Variants in DAGLA observed in about 807,000 individuals in gnomAD.
DAGLA encodes the protein diacylglycerol lipase-alpha.
A neutral mutation model predicts 102.6 loss-of-function variants in DAGLA; 22 were observed. The ratio of observed to expected loss-of-function variants is 0.21; its 90% CI spans 0.15 to 0.31. The LOEUF (loss-of-function observed/expected upper bound fraction) is 0.31, where lower values mean the gene tolerates loss of function less well. Among genes scored for constraint, DAGLA ranks in the 10% least tolerant of loss-of-function variants. The pLI is 1.00. For synonymous variants in DAGLA, 578 were observed against 628.9 expected (o/e 0.92, Z 1.21); for missense variants, 927 against 1,446.6 (o/e 0.64, Z 5.83).
chr11:61,738,915 C>A (rs1565264521), intron 16 of DAGLA, among the ~76,000 whole-genome samples: 1 of 152,200 alleles, frequency 6.6e-6, no homozygotes. Flanking sequence ...TGCCCTAGAC[C>A]CTGTGGCAGG....
intron 1 of DAGLA, among the ~76,000 whole-genome samples, chr11:61,700,597 G>T (rs1423979453): frequency 6.6e-6 from 1 of 152,192 alleles, no homozygotes; most frequent in African/African-American, 2.4e-5. Context: ...TAGATAATTA[G>T]CTGCTGATGG....
intron 1 of DAGLA, among the ~76,000 whole-genome samples, chr11:61,681,391 G>T (rs1293100487): frequency 2.6e-5 from 4 of 152,144 alleles, no homozygotes; most frequent in Non-Finnish European, 4.4e-5. Context: ...CATTCATCTA[G>T]CTTTTCATCT....
At chr11:61,719,687 G>A (rs2065266035) in intron 1 of DAGLA, among the ~76,000 whole-genome samples, 2 of 152,234 alleles carry the variant, frequency 1.3e-5, no homozygotes, top group Admixed American at 6.5e-5. Context: ...GGGTGGGCTT[G>A]TTCTTGGTCT....
At chr11:61,715,645 C>T (rs1343569435) in intron 1 of DAGLA, among the ~76,000 whole-genome samples, 1 of 152,218 alleles carries the variant, frequency 6.6e-6, no homozygotes, top group Non-Finnish European at 1.5e-5. Context: ...GGGCAGGCTC[C>T]TCGGTCAGGG....
intron 9 of DAGLA, among the ~76,000 whole-genome samples, chr11:61,731,702 C>A (rs2065376862): frequency 1.3e-5 from 2 of 152,210 alleles, no homozygotes; most frequent in African/African-American, 4.8e-5. Context: ...GCCTCAGTTT[C>A]TTTATCTGCG....
chr11:61,716,184 G>A (rs772978177), intron 1 of DAGLA, among the ~76,000 whole-genome samples: 5 of 152,138 alleles, frequency 3.3e-5, no homozygotes, highest in Non-Finnish European at 5.9e-5. Context: ...GATGGGTACT[G>A]TGAGACCCTG....
In DAGLA at chr11:61,746,471, C is replaced by A. The variant is rs1200352410; in HGVS notation, c.*1982C>A. On this transcript the variant is annotated 3_prime_UTR_variant, in exon 20 of 20. Transcript: ENST00000257215. ...ACCTCTAATGTGGGCATGTCGTCCA[C>A]CCCAGGACGAGCCATCAGGGACAGA... The A allele has an allele frequency of 6.6e-6, 1 of 152,506 alleles. No individual in the cohort carries two copies. The highest frequency in any genetic ancestry group is 1.5e-5 in the Non-Finnish European group (1 of 68,046). The allele number at this position is 152,506 out of a possible 1,614,324, so 9.4% of individuals were successfully genotyped here. A position where few individuals can be genotyped will look rare whatever the true frequency, so the allele number is the denominator to read the frequency against.
intron 1 of DAGLA, among the ~76,000 whole-genome samples, chr11:61,696,029 C>G (rs2065062174): frequency 6.6e-6 from 1 of 152,232 alleles, no homozygotes; most frequent in Non-Finnish European, 1.5e-5. Context: ...CCTGCGGAGG[C>G]CTCGCTCCAG....
Position 61,744,240 on chromosome 11 carries a change from C to G in DAGLA, c.2880C>G (p.Leu960=). The G allele has an allele frequency of 2.5e-6, 4 of 1,613,124 alleles. No individual in the cohort carries two copies. Among genetic ancestry groups the G allele is most frequent in the Non-Finnish European group, 3.4e-6 (4 of 1,179,982 alleles). Residue 960 remains leucine, a synonymous_variant, in exon 20 of 20, where the codon CTC becomes CTG. Transcript: ENST00000257215. ...CCCCCAGCCAGCAAGAGATCCTGCT[C>G]CGTGCCCAGTTCGAGCCCAACCTGG... ...PKSPSQQEIL[L]RAQFEPNLVP... is the part of the protein sequence containing the mutation.
chr11:61,694,942 A>G (rs904884536), intron 1 of DAGLA, among the ~76,000 whole-genome samples: 4 of 152,148 alleles, frequency 2.6e-5, no homozygotes, highest in African/African-American at 9.7e-5. Context: ...GCAAAACCCA[A>G]ACATGTGCAC....
chr11:61,723,659 G>C, intron 5 of DAGLA, 87 bp downstream of exon 5: 1 of 1,539,260 alleles, frequency 6.5e-7, no homozygotes. Context: ...GGCTACCCCA[G>C]GCCTCCCAGA....
chr11:61,738,675 G>C (rs1274762524), intron 16 of DAGLA, among the ~76,000 whole-genome samples: 1 of 152,176 alleles, frequency 6.6e-6, no homozygotes, highest in African/African-American at 2.4e-5. Flanking sequence ...ACCAAGAGGA[G>C]AGGGTCAGCC....
intron 1 of DAGLA, among the ~76,000 whole-genome samples, chr11:61,699,936 A>G (rs368631752): frequency 6.7e-4 from 97 of 144,774 alleles, no homozygotes; most frequent in African/African-American, 2.3e-3. Context: ...GGGGCTGGGG[A>G]GGGTGGCAGG....
intron 5 of DAGLA, among the ~76,000 whole-genome samples, chr11:61,724,660 C>T (rs757956312): frequency 1.3e-5 from 2 of 152,202 alleles, no homozygotes; most frequent in East Asian, 3.9e-4. Flanking sequence ...GAGCCACACC[C>T]GTGCCTGCTG....
intron 7 of DAGLA, 57 bp from the exon 8 acceptor site, chr11:61,728,874 A>G: frequency 2.0e-6 from 3 of 1,524,222 alleles, no homozygotes; most frequent in Non-Finnish European, 2.7e-6. Context: ...CCCCTTTCCC[A>G]GCCATGCAGC....
intron 1 of DAGLA, among the ~76,000 whole-genome samples, chr11:61,691,618 A>G (rs986729213): frequency 1.3e-5 from 2 of 152,266 alleles, no homozygotes; most frequent in African/African-American, 4.8e-5. Context: ...ACACAGCCAC[A>G]GGGGCAGGCT....
chr11:61,741,550 G>A (rs2065479992), intron 19 of DAGLA, among the ~76,000 whole-genome samples: 2 of 151,796 alleles, frequency 1.3e-5, no homozygotes, highest in African/African-American at 4.8e-5. Flanking sequence ...AATCCTACAT[G>A]AGCCAGGGGA....
Position 61,727,856 on chromosome 11 carries a change from G to A in DAGLA, c.637-297G>A, listed in dbSNP as rs531924993. On this transcript the variant is annotated intron_variant, in intron 6 of 19. Transcript: ENST00000257215. The stretch of plus-strand genomic sequence containing the variant: ...CTAGCGTCTGGGAAAGCAAAAAGGA[G>A]TGGCTCAAGTTGGCGCCTGCTCTTG... Among the ~76,000 whole-genome samples, 29 of 152,352 alleles carry A rather than the reference G, an allele frequency of 1.9e-4. 1 individual carries two copies. The South Asian group carries it at 5.6e-3, about 29-fold the overall frequency.
At chr11:61,732,339 G>A (rs910926880) in intron 9 of DAGLA, among the ~76,000 whole-genome samples, 2 of 152,136 alleles carry the variant, frequency 1.3e-5, no homozygotes, top group African/African-American at 2.4e-5. Context: ...TCCCTCCAGC[G>A]ACTGATCAGA....
Sources: allele counts gnomAD v4.1 joint callset (sites outside exome capture counted in the v4.1 genomes callset), GRCh38; gene constraint gnomAD v4.1.1; transcripts MANE v1.5; gene names NCBI Gene and HGNC (gene_info 2026-07-23, HGNC 2026-07-21).